The following STK4 variants were observed in gnomAD, a reference collection of about 807,000 sequenced individuals.
The protein encoded by STK4 is serine/threonine kinase 4, also known as serine/threonine-protein kinase 4.
Under a neutral mutation model 64.9 loss-of-function variants are expected in STK4, and 30 were observed. That is an observed-to-expected ratio of 0.46 (90% CI 0.35 to 0.63). The LOEUF (loss-of-function observed/expected upper bound fraction) is 0.63, where lower values mean the gene tolerates loss of function less well. Among genes scored for constraint, STK4 ranks in the 20% least tolerant of loss-of-function variants. The pLI is 0.01. For synonymous variants in STK4, 177 were observed against 199.0 expected, an observed-to-expected ratio of 0.89 and a Z score of 0.93; for missense variants, 466 against 598.5, an observed-to-expected ratio of 0.78 and a Z score of 2.31.
intron 4 of STK4, among the ~76,000 whole-genome samples, chr20:44,984,186 G>GTTTTTTTTTTTTTTTTTTTTT (rs11397664): frequency 3.0e-4 from 23 of 76,050 alleles, no homozygotes; most frequent in East Asian, 4.2e-4. Flanking sequence ...TGTTGTCGTT[G>GTTTTTTTTTTTTTTTTTTTTT]TTTTTTTTTT....
intron 10 of STK4, among the ~76,000 whole-genome samples, chr20:45,067,739 G>C (rs983605945): frequency 3.3e-5 from 5 of 152,178 alleles, no homozygotes; most frequent in African/African-American, 4.8e-5. Flanking sequence ...TTTGAAAAAT[G>C]GTATGATTCA....
chr20:44,990,204 T>G (rs763834456), intron 5 of STK4, among the ~76,000 whole-genome samples: 2 of 152,240 alleles, frequency 1.3e-5, no homozygotes, highest in Non-Finnish European at 2.9e-5. Flanking sequence ...TTAGATTTTC[T>G]TTAATTCTTT....
intron 7 of STK4, among the ~76,000 whole-genome samples, chr20:44,998,428 A>T (rs1355431374): frequency 6.6e-6 from 1 of 152,200 alleles, no homozygotes; most frequent in African/African-American, 2.4e-5. Context: ...ACATGTATTG[A>T]AGACAGTATG....
intron 5 of STK4, among the ~76,000 whole-genome samples, chr20:44,987,612 A>G (rs1370514233): frequency 6.6e-6 from 1 of 152,228 alleles, no homozygotes; most frequent in Admixed American, 6.5e-5. Flanking sequence ...AATTAAGTCC[A>G]AACTGCTTTC....
At chr20:44,988,712 T>C (rs534676151) in intron 5 of STK4, among the ~76,000 whole-genome samples, 1 of 151,778 alleles carries the variant, frequency 6.6e-6, no homozygotes, top group Non-Finnish European at 1.5e-5. Context: ...ATTCACAAAA[T>C]TGTGCAGCTA....
intron 4 of STK4, among the ~76,000 whole-genome samples, chr20:44,985,625 G>A (rs192714493): frequency 6.8e-4 from 104 of 152,324 alleles, no homozygotes; most frequent in Admixed American, 1.8e-3. Flanking sequence ...TTACAGGCAT[G>A]TGCCACTGTG....
intron 10 of STK4, among the ~76,000 whole-genome samples, chr20:45,035,512 A>C (rs1447843733): frequency 6.6e-6 from 1 of 152,172 alleles, no homozygotes; most frequent in Non-Finnish European, 1.5e-5. Flanking sequence ...ATTTATTCAA[A>C]TGAAGTTGCT....
chr20:45,042,265 T>C (rs1418145535), intron 10 of STK4, among the ~76,000 whole-genome samples: 1 of 151,926 alleles, frequency 6.6e-6, no homozygotes, highest in Non-Finnish European at 1.5e-5. Context: ...CTTTTCAGCT[T>C]TACCTCCTGT....
intron 10 of STK4, among the ~76,000 whole-genome samples, chr20:45,041,961 C>G (rs2068620939): frequency 6.6e-6 from 1 of 151,952 alleles, no homozygotes; most frequent in South Asian, 2.1e-4. Context: ...ACAACCAAAG[C>G]CAGATTTGGT....
intron 2 of STK4, among the ~76,000 whole-genome samples, chr20:44,976,830 G>A (rs921772000): frequency 1.1e-4 from 17 of 152,170 alleles, no homozygotes; most frequent in South Asian, 6.2e-4. Context: ...GGTAATTCTC[G>A]TAGTCTCAAA....
Position 45,031,365 on chromosome 20 carries a change from C to T in STK4, c.1305+6235C>T, listed in dbSNP as rs9679803. ...GAAAGGAGTCCATTGTGGCTGGAGC[C>T]GAGTGACACATGGGATAGCAGTTTA... On this transcript the variant is annotated intron_variant, in intron 10 of 10. Coordinates refer to ENST00000372806, the MANE Select transcript of STK4 (RefSeq NM_006282.5). Among the ~76,000 whole-genome samples, 818 of 151,922 alleles carry T rather than the reference C, an allele frequency of 5.4e-3. 9 individuals carry two copies. Among genetic ancestry groups the T allele is most frequent in the African/African-American group, 0.017 (723 of 41,410 alleles).
At chr20:44,998,023 CT>C (rs1312288813) in intron 7 of STK4, among the ~76,000 whole-genome samples, 1 of 152,118 alleles carries the variant, frequency 6.6e-6, no homozygotes, top group Non-Finnish European at 1.5e-5. Flanking sequence ...GAACTTGAGC[CT>C]TTTTTATTCC....
chr20:45,028,672 A>AT (rs1233880694), intron 10 of STK4, among the ~76,000 whole-genome samples: 2 of 151,838 alleles, frequency 1.3e-5, no homozygotes, highest in Non-Finnish European at 2.9e-5. Flanking sequence ...TGATATTGAG[A>AT]TTTTTTCTTA....
intron 3 of STK4, among the ~76,000 whole-genome samples, chr20:44,978,886 C>T (rs1396784385): frequency 2.0e-5 from 3 of 151,456 alleles, no homozygotes; most frequent in African/African-American, 7.3e-5. Context: ...GCAACCTCCA[C>T]CTCCCAGGTT....
chr20:45,001,450 C>CT, intron 9 of STK4, 97 bp downstream of exon 9: 1 of 1,388,608 alleles, frequency 7.2e-7, no homozygotes, highest in Non-Finnish European at 9.6e-7. Context: ...GCCTTGGGTT[C>CT]TTTCTTTTGT....
In STK4 at chr20:45,074,957, C is replaced by G; in HGVS notation, c.1306-61C>G. On this transcript the variant is annotated intron_variant, in intron 10 of 10. Transcript: ENST00000372806. ...CTGGGTGCCTGGGAAGGCTGGGCTT[C>G]TGCACTGTTCTGCCACTGACTTAAG... 3 of 1,601,044 alleles carry G rather than the reference C, an allele frequency of 1.9e-6. No homozygotes were observed. In the South Asian group the frequency reaches 3.3e-5, roughly 18 times the overall value.
At chr20:45,071,346 T>C (rs1314962569) in intron 10 of STK4, among the ~76,000 whole-genome samples, 1 of 152,228 alleles carries the variant, frequency 6.6e-6, no homozygotes, top group African/African-American at 2.4e-5. Context: ...TTGAAATGTA[T>C]TTATGCCACC....
chr20:45,026,565 T>C (rs1056328134), intron 10 of STK4, among the ~76,000 whole-genome samples: 1 of 152,062 alleles, frequency 6.6e-6, no homozygotes, highest in Admixed American at 6.6e-5. Context: ...GGAAATGATA[T>C]CAGAGATATA....
chr20:44,971,114 CACACACACACAT>C (rs918007124), intron 1 of STK4, among the ~76,000 whole-genome samples: 3 of 150,886 alleles, frequency 2.0e-5, no homozygotes, highest in African/African-American at 7.3e-5. Context: ...CACACACACA[CACACACACACAT>C]ATTCCTTGGC....
Sources: gnomAD v4.1 joint callset for allele counts (sites outside exome capture counted in the v4.1 genomes callset) on GRCh38, gnomAD v4.1.1 for gene constraint, MANE v1.5 for transcripts, NCBI Gene and HGNC (gene_info 2026-07-23, HGNC 2026-07-21) for gene names.